SDK2: variants seen among roughly 807,000 people sequenced by gnomAD.
SDK2 encodes the protein protein sidekick-2.
Under a neutral mutation model 253.9 loss-of-function variants are expected in SDK2, and 105 were observed. That is an observed-to-expected ratio of 0.41 (90% confidence interval 0.35 to 0.49). The LOEUF (loss-of-function observed/expected upper bound fraction) is 0.49, where lower values mean the gene tolerates loss of function less well. Ranked by LOEUF, SDK2 falls within the 20% of genes least tolerant of loss-of-function variation. The pLI, the probability that SDK2 is intolerant of heterozygous loss-of-function variation, is 0.06. For synonymous variants in SDK2, 1,249 were observed against 1,234.9 expected, an observed-to-expected ratio of 1.01 and a Z score of -0.24; for missense variants, 2,608 against 3,003.0, an observed-to-expected ratio of 0.87 and a Z score of 3.07.
chr17:73,518,213 C>G (rs937436106), intron 1 of SDK2: 2 of 152,254 alleles, frequency 1.3e-5, no homozygotes, highest in African/African-American at 4.8e-5. Flanking sequence ...ATTATAAGAG[C>G]CGAGTAGCCC....
intron 1 of SDK2, among the ~76,000 whole-genome samples, chr17:73,596,010 T>C (rs926419127): frequency 1.3e-5 from 2 of 152,130 alleles, no homozygotes; most frequent in Non-Finnish European, 2.9e-5. Flanking sequence ...GGGGATACAG[T>C]GAGGCCTCGG....
intron 1 of SDK2, among the ~76,000 whole-genome samples, chr17:73,582,410 A>G (rs1005984348): frequency 7.9e-5 from 12 of 152,332 alleles, no homozygotes; most frequent in African/African-American, 2.9e-4. Context: ...TTGGGGGTAC[A>G]CACTGTGCAG....
intron 1 of SDK2, among the ~76,000 whole-genome samples, chr17:73,600,709 C>T: frequency 6.6e-6 from 1 of 152,224 alleles, no homozygotes; most frequent in East Asian, 1.9e-4. Context: ...CCTGTGCAAA[C>T]CACAGCCCAT....
In SDK2 at chr17:73,457,228, TTCC is replaced by T. The variant is rs2063532043; in HGVS notation, c.332-1178_332-1176del. Among the ~76,000 whole-genome samples the T allele has an allele frequency of 3.0e-4, 3 of 9,902 alleles. No individual in the cohort carries two copies. In the Admixed American group the frequency reaches 3.8e-3, roughly 13 times the overall value. The allele number at this position is 9,902 out of a possible 152,430, so 6.5% of individuals were successfully genotyped here. A position where few individuals can be genotyped will look rare whatever the true frequency, so the allele number is the denominator to read the frequency against. On this transcript the variant is annotated intron_variant, in intron 3 of 44. Coordinates refer to ENST00000392650, the MANE Select transcript of SDK2 (RefSeq NM_001144952.2). The stretch of plus-strand genomic sequence containing the variant: ...ATCATTCCATTTTCTTTTCTCTTCC[TTCC>T]TTCCTTCCTTCCTTCCTTCCTTCCT...
At chr17:73,596,378 G>A (rs1435401287) in intron 1 of SDK2, among the ~76,000 whole-genome samples, 1 of 152,166 alleles carries the variant, frequency 6.6e-6, no homozygotes, top group Admixed American at 6.5e-5. Context: ...GGCATGACAC[G>A]GTATGAACAT....
intron 11 of SDK2, among the ~76,000 whole-genome samples, chr17:73,430,825 C>T (rs1446085365): frequency 3.3e-5 from 5 of 152,192 alleles, no homozygotes; most frequent in Non-Finnish European, 5.9e-5. Flanking sequence ...ACTCTAAGGA[C>T]GATCAGGACC....
intron 1 of SDK2, chr17:73,513,722 A>G (rs1271824184): frequency 6.6e-6 from 1 of 152,236 alleles, no homozygotes; most frequent in African/African-American, 2.4e-5. Flanking sequence ...GCTTAAAGAA[A>G]CGATTGTCCC....
chr17:73,590,124 C>T (rs2045662248), intron 1 of SDK2, among the ~76,000 whole-genome samples: 1 of 152,156 alleles, frequency 6.6e-6, no homozygotes, highest in East Asian at 1.9e-4. Context: ...AAACAGGGAG[C>T]CGATGAGGGC....
chr17:73,540,485 G>T (rs1872086), intron 1 of SDK2, among the ~76,000 whole-genome samples: 1 of 152,098 alleles, frequency 6.6e-6, no homozygotes, highest in East Asian at 1.9e-4. Context: ...TCTCATCACC[G>T]CTGTGATTCT....
chr17:73,405,454 A>C (rs1191315222), intron 18 of SDK2, among the ~76,000 whole-genome samples: 1 of 111,032 alleles, frequency 9.0e-6, no homozygotes, highest in East Asian at 2.7e-4. Flanking sequence ...AAAAAAAAAA[A>C]CAAACAAAAA....
rs1470038277 is a variant in SDK2, at chr17:73,419,149, C to T, written c.2186+17G>A. The T allele has an allele frequency of 1.9e-6, 3 of 1,610,146 alleles. No homozygotes were observed. Among genetic ancestry groups the T allele is most frequent in the East Asian group, 4.5e-5 (2 of 44,822 alleles). ...TCCCCTTGGGACTGGGCTCCTGTCC[C>T]CAGGGTGGACACCCACCTGATGATG... On this transcript the variant is annotated intron_variant, in intron 16 of 44. Transcript: ENST00000392650.
chr17:73,485,142 G>A (rs1344729906), intron 2 of SDK2, among the ~76,000 whole-genome samples: 1 of 152,130 alleles, frequency 6.6e-6, no homozygotes, highest in East Asian at 1.9e-4. Context: ...TAACAGCTGA[G>A]GCTTGAGCCG....
At chr17:73,469,397 T>G (rs552063659) in intron 3 of SDK2, among the ~76,000 whole-genome samples, 1 of 152,326 alleles carries the variant, frequency 6.6e-6, no homozygotes, top group South Asian at 2.1e-4. Flanking sequence ...GGTCTGTGCC[T>G]GGGCAGAAGC....
At chr17:73,513,928 T>C (rs2064001432) in intron 1 of SDK2, 1 of 152,218 alleles carries the variant, frequency 6.6e-6, no homozygotes, top group Admixed American at 6.5e-5. Flanking sequence ...CTTTTTCTAG[T>C]GGCTCCATGA....
At chr17:73,512,550 TACACAC>T (rs144659441) in intron 1 of SDK2, among the ~76,000 whole-genome samples, 1 of 148,880 alleles carries the variant, frequency 6.7e-6, no homozygotes, top group South Asian at 2.1e-4. Context: ...CACACACACA[TACACAC>T]ACACACACAC....
chr17:73,370,000 C>T (rs2062721313), intron 36 of SDK2, among the ~76,000 whole-genome samples: 1 of 152,302 alleles, frequency 6.6e-6, no homozygotes, highest in Non-Finnish European at 1.5e-5. Context: ...AGTTCCAGGA[C>T]TGAGGCCATC....
chr17:73,343,139 C>T (rs1273763337), intron 44 of SDK2, among the ~76,000 whole-genome samples: 1 of 152,226 alleles, frequency 6.6e-6, no homozygotes, highest in Non-Finnish European at 1.5e-5. Context: ...GATCCCAAAG[C>T]CCACTCATCT....
intron 3 of SDK2, among the ~76,000 whole-genome samples, chr17:73,457,726 T>A (rs2063538724): frequency 6.6e-6 from 1 of 152,056 alleles, no homozygotes; most frequent in African/African-American, 2.4e-5. Flanking sequence ...GATTTCACAC[T>A]GCTGACTTTA....
intron 24 of SDK2, among the ~76,000 whole-genome samples, chr17:73,397,733 T>C (rs929416188): frequency 3.9e-5 from 6 of 152,224 alleles, no homozygotes; most frequent in Non-Finnish European, 7.3e-5. Context: ...CTCAGTTTTC[T>C]TAGCTGTAAA....
Sources: gnomAD v4.1 joint callset for allele counts (sites outside exome capture counted in the v4.1 genomes callset) on GRCh38, gnomAD v4.1.1 for gene constraint, MANE v1.5 for transcripts, NCBI Gene and HGNC (gene_info 2026-07-23, HGNC 2026-07-21) for gene names.